ATP11A: variants seen among roughly 807,000 people sequenced by gnomAD.
ATP11A encodes the protein ATPase phospholipid transporting 11A, also known as phospholipid-transporting ATPase IH.
ATP11A carries 81 observed loss-of-function variants against 154.4 expected under a neutral mutation model. That is an observed-to-expected ratio of 0.52 (90% CI 0.44 to 0.63). The LOEUF is 0.63. Among genes scored for constraint, ATP11A ranks in the 30% least tolerant of loss-of-function variants. The pLI is 0.00. For missense variants in ATP11A, 1,316 were observed against 1,474.3 expected (o/e 0.89, Z 1.76); for synonymous variants, 623 against 585.9 (o/e 1.06, Z -0.91).
chr13:112,710,937 G>A (rs1052577407), intron 1 of ATP11A, among the ~76,000 whole-genome samples: 2 of 151,668 alleles, frequency 1.3e-5, no homozygotes, highest in African/African-American at 4.9e-5. Flanking sequence ...TCAGAGCGGA[G>A]GGCAGGGCCC....
At chr13:112,749,514 A>G (rs192110180) in intron 1 of ATP11A, among the ~76,000 whole-genome samples, 2 of 152,386 alleles carry the variant, frequency 1.3e-5, no homozygotes, top group African/African-American at 4.8e-5. Flanking sequence ...AAAAATAAGC[A>G]AAGGAGATTT....
At chr13:112,870,875 G>A (rs749406381) in intron 25 of ATP11A, among the ~76,000 whole-genome samples, 28 of 152,244 alleles carry the variant, frequency 1.8e-4, no homozygotes, top group South Asian at 4.1e-4. Flanking sequence ...TGCCTCGTGC[G>A]GTAGAGAGGC....
rs548356390 is a variant in ATP11A at position 112,802,340 on chromosome 13, C to T, written c.163-2617C>T. Among the ~76,000 whole-genome samples the T allele has an allele frequency of 5.5e-4, 84 of 151,454 alleles. No homozygotes were observed. The South Asian group carries it at 1.0e-2, about 18-fold the overall frequency. On this transcript the variant is annotated intron_variant, in intron 2 of 29. Coordinates refer to ENST00000375645, the MANE Select transcript of ATP11A (RefSeq NM_015205.3). ...CAGCCTGGGCAACAGAGCGAGACTC[C>T]GTCTCACAAAAAAAAAAGAAAAGAA...
rs1363131447 is a variant in ATP11A at position 112,851,095 on chromosome 13, G to A, written c.1868G>A (p.Gly623Asp). 6.2e-7 allele frequency: 1 copy of A among 1,614,080 alleles called. No individual in the cohort carries two copies. Among genetic ancestry groups the A allele is most frequent in the Non-Finnish European group, 8.5e-7 (1 of 1,180,034 alleles). Residue 623 changes from glycine to aspartate, a missense_variant, in exon 18 of 30, where the codon GGC (glycine) becomes GAC (aspartate). Physicochemically the swap from Gly to Asp is moderately conservative, Grantham distance 94. Coordinates refer to ENST00000375645, the MANE Select transcript of ATP11A (RefSeq NM_015205.3). Reference protein sequence around the residue: ...YKRLIQEEYEGICKLLQAAKV... With the variant: ...YKRLIQEEYEDICKLLQAAKV... ...AGGCTGATCCAAGAAGAATATGAAG[G>A]CATTTGTAAGCTGCTGCAGGCTGCC...
At chr13:112,834,700 G>A (rs750485563) in intron 15 of ATP11A, 40 bp downstream of exon 15, 15 of 1,479,088 alleles carry the variant, frequency 1.0e-5, no homozygotes, top group East Asian at 4.5e-5. Flanking sequence ...AAGGACTAAC[G>A]AATAAAGAGT....
chr13:112,712,092 A>G (rs1394039299), intron 1 of ATP11A, among the ~76,000 whole-genome samples: 3 of 152,202 alleles, frequency 2.0e-5, no homozygotes, highest in African/African-American at 7.2e-5. Context: ...AGAAGCTGCC[A>G]GGTGCCTCCT....
At chr13:112,830,661 C>T (rs1046919165) in intron 12 of ATP11A, among the ~76,000 whole-genome samples, 17 of 152,216 alleles carry the variant, frequency 1.1e-4, no homozygotes, top group African/African-American at 3.6e-4. Context: ...AAGAAGGGTA[C>T]ACAGGTTGAA....
intron 12 of ATP11A, among the ~76,000 whole-genome samples, chr13:112,829,528 C>T (rs1165574862): frequency 1.3e-5 from 2 of 152,094 alleles, no homozygotes; most frequent in South Asian, 2.1e-4. Flanking sequence ...TAACATCTCT[C>T]AACAAATTTT....
intron 1 of ATP11A, among the ~76,000 whole-genome samples, chr13:112,752,697 G>C (rs1555315066): frequency 6.6e-6 from 1 of 152,230 alleles, no homozygotes; most frequent in Non-Finnish European, 1.5e-5. Context: ...CTACAACACA[G>C]AATACCGTAA....
intron 7 of ATP11A, 91 bp from the exon 8 acceptor site, chr13:112,819,809 G>T: frequency 7.3e-7 from 1 of 1,369,316 alleles, no homozygotes; most frequent in South Asian, 1.2e-5. Flanking sequence ...AGGTGAAGAC[G>T]TGTGGCTCAC....
intron 1 of ATP11A, among the ~76,000 whole-genome samples, chr13:112,769,361 G>T (rs1262248027): frequency 1.3e-5 from 2 of 152,220 alleles, no homozygotes; most frequent in African/African-American, 2.4e-5. Flanking sequence ...TCCCAGCATG[G>T]TTGTCCCGGC....
intron 12 of ATP11A, among the ~76,000 whole-genome samples, chr13:112,829,136 C>T (rs975975695): frequency 4.6e-5 from 7 of 152,202 alleles, no homozygotes; most frequent in Non-Finnish European, 1.0e-4. Context: ...CTCCCGAGCA[C>T]GAGTGCCTTG....
chr13:112,703,594 C>T (rs1189289118), intron 1 of ATP11A, among the ~76,000 whole-genome samples: 4 of 152,146 alleles, frequency 2.6e-5, no homozygotes, highest in South Asian at 2.1e-4. Flanking sequence ...AAAGACAGAA[C>T]GTAATTACTT....
At chr13:112,695,025 C>T (rs902771732) in intron 1 of ATP11A, among the ~76,000 whole-genome samples, 1 of 152,192 alleles carries the variant, frequency 6.6e-6, no homozygotes, top group Non-Finnish European at 1.5e-5. Context: ...GAGGTTGCCC[C>T]TTCTGAAAGA....
At chr13:112,845,208 G>A (rs1467518593) in intron 17 of ATP11A, among the ~76,000 whole-genome samples, 1 of 139,284 alleles carries the variant, frequency 7.2e-6, no homozygotes, top group East Asian at 2.1e-4. Context: ...AGGCACTAGT[G>A]ATACTAACCA....
At chr13:112,768,533 A>G (rs912037884) in intron 1 of ATP11A, among the ~76,000 whole-genome samples, 3 of 152,104 alleles carry the variant, frequency 2.0e-5, no homozygotes, top group African/African-American at 4.8e-5. Flanking sequence ...TCTTCATTAG[A>G]TATATATTCA....
At chr13:112,819,478 C>A in intron 7 of ATP11A, 71 bp downstream of exon 7, 4 of 1,314,872 alleles carry the variant, frequency 3.0e-6, no homozygotes, top group Non-Finnish European at 4.4e-6. Context: ...TTTTTCACCC[C>A]AAGTAGTCCA....
At chr13:112,810,808 C>T (rs770225611) in intron 5 of ATP11A, 82 bp downstream of exon 5, 27 of 1,195,708 alleles carry the variant, frequency 2.3e-5, no homozygotes, top group South Asian at 2.0e-4. Flanking sequence ...CAGTGGCTCG[C>T]GCCTCCAGTC....
chr13:112,826,845 AGGG>A lies in ATP11A; in HGVS notation c.1177_1179del (p.Gly393del). 1 of 1,614,154 alleles carries A rather than the reference AGGG, an allele frequency of 6.2e-7. No homozygotes were observed. The highest frequency in any genetic ancestry group is 8.5e-7 in the Non-Finnish European group (1 of 1,180,042). Reference sequence around the variant, plus strand: ...GACATGTTTGACGAGGAGACTGGCGAGGGGCCTCTGGTGAACACGTCGGACCTC... The same window carrying A: ...GACATGTTTGACGAGGAGACTGGCGAGCCTCTGGTGAACACGTCGGACCTC... On this transcript the variant is annotated inframe_deletion, in exon 12 of 30. Coordinates refer to ENST00000375645, the MANE Select transcript of ATP11A (RefSeq NM_015205.3).
Sources: allele counts gnomAD v4.1 joint callset (sites outside exome capture counted in the v4.1 genomes callset), GRCh38; gene constraint gnomAD v4.1.1; transcripts MANE v1.5; gene names NCBI Gene and HGNC (gene_info 2026-07-23, HGNC 2026-07-21).